RPS6KA2: variants seen among roughly 807,000 people sequenced by gnomAD.
RPS6KA2 encodes the protein ribosomal protein S6 kinase alpha-2.
A neutral mutation model predicts 91.8 loss-of-function variants in RPS6KA2; 42 were observed. The ratio of observed to expected loss-of-function variants is 0.46; its 90% confidence interval spans 0.36 to 0.59. RPS6KA2 has a LOEUF of 0.59. RPS6KA2 is among the 20% of genes least tolerant of loss of function. The pLI is 0.00. For missense variants in RPS6KA2, 798 were observed against 978.5 expected (o/e 0.82, Z 2.46); for synonymous variants, 414 against 393.6 (o/e 1.05, Z -0.61).
At chr6:166,739,871 T>C (rs956490707) in intron 2 of RPS6KA2, among the ~76,000 whole-genome samples, 3 of 152,258 alleles carry the variant, frequency 2.0e-5, no homozygotes, top group African/African-American at 4.8e-5. Flanking sequence ...GCCCAACCCC[T>C]TTCCGTAACA....
At chr6:166,740,185 T>C (rs1319361701) in intron 2 of RPS6KA2, among the ~76,000 whole-genome samples, 2 of 152,230 alleles carry the variant, frequency 1.3e-5, no homozygotes, top group African/African-American at 4.8e-5. Flanking sequence ...CAGAGACACC[T>C]ACCTTGTGGT....
chr6:166,768,901 C>A (rs577421922), intron 2 of RPS6KA2, among the ~76,000 whole-genome samples: 1 of 152,314 alleles, frequency 6.6e-6, no homozygotes, highest in East Asian at 1.9e-4. Context: ...CCACAGAGAC[C>A]CTGTGGCCAC....
At chr6:166,640,422 GA>G (rs1307774253) in intron 2 of RPS6KA2, among the ~76,000 whole-genome samples, 24 of 152,238 alleles carry the variant, frequency 1.6e-4, no homozygotes, top group Admixed American at 1.1e-3. Context: ...GGGGAGCTGA[GA>G]ATAGCCCGTG....
chr6:166,487,064 A>C (rs1398942882), intron 10 of RPS6KA2, among the ~76,000 whole-genome samples: 3 of 152,224 alleles, frequency 2.0e-5, no homozygotes, highest in Non-Finnish European at 1.5e-5. Context: ...TCTTTGTTAA[A>C]CAGGAAGACC....
intron 2 of RPS6KA2, among the ~76,000 whole-genome samples, chr6:166,792,380 A>G (rs190485592): frequency 0.049 from 7,420 of 152,054 alleles, 603 homozygotes; most frequent in African/African-American, 0.17. Context: ...CCAACCAAAA[A>G]AAGTCCAGGA....
At chr6:166,703,546 G>T (rs1309933641) in intron 2 of RPS6KA2, among the ~76,000 whole-genome samples, 1 of 152,224 alleles carries the variant, frequency 6.6e-6, no homozygotes, top group Non-Finnish European at 1.5e-5. Flanking sequence ...GCTCAGCAGC[G>T]TGTTACATCC....
chr6:166,532,734 A>G (rs1783328446), intron 2 of RPS6KA2, among the ~76,000 whole-genome samples: 1 of 152,206 alleles, frequency 6.6e-6, no homozygotes, highest in Non-Finnish European at 1.5e-5. Context: ...AAGAAGTCAC[A>G]GGCAATTAGA....
rs1321064960 is a variant in RPS6KA2, at chr6:166,412,036, T to G, written c.*726A>C. On this transcript the variant is annotated 3_prime_UTR_variant, in exon 21 of 21. Coordinates refer to ENST00000265678, the MANE Select transcript of RPS6KA2 (RefSeq NM_021135.6). The surrounding 1 kb of genome is among the most constrained non-coding windows in gnomAD (Gnocchi z 4.3). ...GCCGAGACTGGAGGTGGACACAGGC[T>G]CCTCCGAGAGGCACCCCCTTCCATC... 6.6e-6 allele frequency: 1 copy of G among 151,686 alleles called. No homozygotes were observed. The highest frequency in any genetic ancestry group is 1.5e-5 in the Non-Finnish European group (1 of 67,980). 9.4% of individuals were successfully genotyped at this position (151,686 alleles called of 1,614,324 possible).
At chr6:166,766,866 C>A (rs1037834568) in intron 2 of RPS6KA2, among the ~76,000 whole-genome samples, 1 of 152,236 alleles carries the variant, frequency 6.6e-6, no homozygotes, top group African/African-American at 2.4e-5. Context: ...TTTGCTGCCA[C>A]CCCTGTTCTG....
chr6:166,613,146 C>T (rs1347362425), intron 1 of RPS6KA2, among the ~76,000 whole-genome samples: 1 of 152,202 alleles, frequency 6.6e-6, no homozygotes, highest in African/African-American at 2.4e-5. Context: ...AATTTCCAGT[C>T]CTGAAACATG....
chr6:166,707,209 C>A (rs558266020), intron 2 of RPS6KA2, among the ~76,000 whole-genome samples: 1 of 152,286 alleles, frequency 6.6e-6, no homozygotes, highest in Non-Finnish European at 1.5e-5. Context: ...CCGGGGTTGC[C>A]GGGAAGGGGG....
intron 2 of RPS6KA2, among the ~76,000 whole-genome samples, chr6:166,642,519 T>C (rs1787475432): frequency 6.6e-6 from 1 of 152,258 alleles, no homozygotes; most frequent in Admixed American, 6.5e-5. Context: ...AGTGATCAGT[T>C]AAAACCTTCT....
intron 2 of RPS6KA2, among the ~76,000 whole-genome samples, chr6:166,731,372 C>G (rs1322927337): frequency 2.0e-5 from 3 of 152,130 alleles, no homozygotes; most frequent in South Asian, 2.1e-4. Context: ...GTAAAGATCC[C>G]CCTAGCCATT....
intron 2 of RPS6KA2, among the ~76,000 whole-genome samples, chr6:166,700,620 A>G (rs541932273): frequency 1.3e-5 from 2 of 152,328 alleles, no homozygotes; most frequent in East Asian, 3.9e-4. Context: ...GTTAGTGTTA[A>G]GTAAAAATAA....
intron 2 of RPS6KA2, among the ~76,000 whole-genome samples, chr6:166,839,414 G>A (rs1780402046): frequency 6.6e-6 from 1 of 151,842 alleles, no homozygotes; most frequent in African/African-American, 2.4e-5. Context: ...ATGAAGAAAT[G>A]TTTGTTAGAT....
chr6:166,653,870 C>T (rs1011414553), intron 2 of RPS6KA2, among the ~76,000 whole-genome samples: 2 of 152,182 alleles, frequency 1.3e-5, no homozygotes, highest in Non-Finnish European at 2.9e-5. Flanking sequence ...TTCATTAATA[C>T]GTTTTATTTA....
At chr6:166,641,707 G>A (rs1787438140) in intron 2 of RPS6KA2, among the ~76,000 whole-genome samples, 1 of 66,764 alleles carries the variant, frequency 1.5e-5, no homozygotes, top group South Asian at 5.6e-4. Flanking sequence ...GTAAAAGAGT[G>A]AGACTCTGTC....
intron 1 of RPS6KA2, among the ~76,000 whole-genome samples, chr6:166,860,431 G>A (rs1384538362): frequency 1.3e-5 from 2 of 152,218 alleles, no homozygotes; most frequent in Admixed American, 1.3e-4. Flanking sequence ...CCACTTGCAA[G>A]TGCTTTCTAG....
At chr6:166,647,958 GCTTA>G (rs1312018551) in intron 2 of RPS6KA2, among the ~76,000 whole-genome samples, 2 of 97,780 alleles carry the variant, frequency 2.0e-5, no homozygotes, top group Non-Finnish European at 4.1e-5. Context: ...ACATGCACAT[GCTTA>G]CATACATACA....
Sources: gnomAD v4.1 joint callset for allele counts (sites outside exome capture counted in the v4.1 genomes callset) on GRCh38, gnomAD v4.1.1 for gene constraint, Gnocchi (gnomAD v3.1) non-coding constraint, MANE v1.5 for transcripts, NCBI Gene and HGNC (gene_info 2026-07-23, HGNC 2026-07-21) for gene names.